Variants in DGLUCY observed in about 807,000 individuals in gnomAD.
The protein encoded by DGLUCY is D-glutamate cyclase.
DGLUCY carries 58 observed loss-of-function variants against 58.5 expected under a neutral mutation model. The ratio of observed to expected loss-of-function variants is 0.99; its 90% confidence interval spans 0.80 to 1.23. DGLUCY has a LOEUF of 1.23. DGLUCY is among the 50% of genes most tolerant of loss of function. DGLUCY has a pLI of 0.00. For synonymous variants in DGLUCY, 325 were observed against 314.1 expected (o/e 1.03, Z -0.37); for missense variants, 779 against 784.7 (o/e 0.99, Z 0.09).
At chr14:91,220,649 G>T (rs1418735968) in intron 13 of DGLUCY, 5 of 456,118 alleles carry the variant, frequency 1.1e-5, no homozygotes, top group Non-Finnish European at 2.2e-5. Context: ...TTCTCCCGCT[G>T]CCACACTCCC....
In DGLUCY at chr14:91,204,639, GC is replaced by G; in HGVS notation, c.1445-65del. 5 of 1,585,032 alleles carry G rather than the reference GC, an allele frequency of 3.2e-6. No homozygotes were observed. In the South Asian group the frequency reaches 5.7e-5, roughly 18 times the overall value. On this transcript the variant is annotated intron_variant, in intron 11 of 13. Transcript: ENST00000256324. ...AAAGGCAACAAGCACATGTAGGGCTGCCTTGCTTCAGGCCTCCCCCATTTTG... is the reference window on the plus strand; with the variant it reads ...AAAGGCAACAAGCACATGTAGGGCTGCTTGCTTCAGGCCTCCCCCATTTTG...
chr14:91,089,033 C>T (rs1160048558), intron 1 of DGLUCY, among the ~76,000 whole-genome samples: 1 of 152,190 alleles, frequency 6.6e-6, no homozygotes, highest in Non-Finnish European at 1.5e-5. Context: ...ATACTTGATG[C>T]TGATTGTACC....
intron 9 of DGLUCY, among the ~76,000 whole-genome samples, chr14:91,190,938 C>T (rs1258062628): frequency 3.3e-5 from 5 of 152,010 alleles, no homozygotes; most frequent in South Asian, 2.1e-4. Flanking sequence ...GAGAGGAGGA[C>T]GGTTTGGAGT....
At chr14:91,205,605 C>T (rs1031723960) in intron 12 of DGLUCY, among the ~76,000 whole-genome samples, 1 of 152,086 alleles carries the variant, frequency 6.6e-6, no homozygotes, top group Non-Finnish European at 1.5e-5. Flanking sequence ...AAACTCCAGG[C>T]GACCCAGTGG....
At position 91,072,940 on chromosome 14, in the gene DGLUCY, C is replaced by T. The variant is rs563767843; in HGVS notation, c.-82+12236C>T. 1.2e-4 allele frequency among the ~76,000 whole-genome samples: 19 copies of T among 152,024 alleles called. No homozygotes were observed. In the South Asian group the frequency reaches 3.1e-3, roughly 25 times the overall value. ...ATGAGAATGGCATGAACCCGGCAGG[C>T]AGAGCTTGCAGTGAGCCAAGATCAT... is the stretch of plus-strand genomic sequence containing the variant. On this transcript the variant is annotated intron_variant, in intron 1 of 4. Coordinates refer to the DGLUCY transcript ENST00000521334.
At chr14:91,129,499 G>A (rs1255461012) in intron 1 of DGLUCY, among the ~76,000 whole-genome samples, 3 of 151,874 alleles carry the variant, frequency 2.0e-5, no homozygotes, top group Non-Finnish European at 4.4e-5. Context: ...ACTTTCAGAG[G>A]CTGTGGCAGG....
intron 12 of DGLUCY, among the ~76,000 whole-genome samples, chr14:91,209,267 C>A (rs1219511156): frequency 6.6e-6 from 1 of 151,060 alleles, no homozygotes; most frequent in African/African-American, 2.4e-5. Context: ...GGTCTCAAAA[C>A]AACAACAACG....
chr14:91,217,892 CT>C (rs768571676), intron 13 of DGLUCY, among the ~76,000 whole-genome samples: 9 of 152,142 alleles, frequency 5.9e-5, no homozygotes, highest in Non-Finnish European at 1.2e-4. Flanking sequence ...CTTCCTGCCC[CT>C]GGCCTCTGTT....
intron 1 of DGLUCY, among the ~76,000 whole-genome samples, chr14:91,146,064 G>A (rs1161293739): frequency 6.6e-6 from 1 of 152,044 alleles, no homozygotes; most frequent in Non-Finnish European, 1.5e-5. Flanking sequence ...GTAGAGACAG[G>A]GTCTCACCAT....
At chr14:91,083,413 T>C (rs533315248) in intron 1 of DGLUCY, among the ~76,000 whole-genome samples, 1 of 151,726 alleles carries the variant, frequency 6.6e-6, no homozygotes, top group East Asian at 1.9e-4. Flanking sequence ...TCCCAGCTAC[T>C]TGGGAGGCTG....
At chr14:91,082,060 A>C (rs1402889502) in intron 1 of DGLUCY, among the ~76,000 whole-genome samples, 1 of 152,214 alleles carries the variant, frequency 6.6e-6, no homozygotes, top group African/African-American at 2.4e-5. Context: ...ACGTAAAGTA[A>C]CATATTCACA....
chr14:91,125,152 C>T (rs986165128), intron 1 of DGLUCY, among the ~76,000 whole-genome samples: 8 of 152,142 alleles, frequency 5.3e-5, no homozygotes, highest in Non-Finnish European at 7.3e-5. Flanking sequence ...TTATAAATGA[C>T]CCTGTCTCCT....
intron 1 of DGLUCY, among the ~76,000 whole-genome samples, chr14:91,127,301 G>C (rs1006491889): frequency 6.6e-6 from 1 of 152,096 alleles, no homozygotes; most frequent in Admixed American, 6.6e-5. Flanking sequence ...AAGCAGTCCT[G>C]CCTCACCCTT....
chr14:91,208,742 C>A (rs1310800381), intron 12 of DGLUCY, among the ~76,000 whole-genome samples: 1 of 151,828 alleles, frequency 6.6e-6, no homozygotes, highest in African/African-American at 2.4e-5. Context: ...GAGTCAGACC[C>A]TGTCTCAAAA....
intron 1 of DGLUCY, among the ~76,000 whole-genome samples, chr14:91,081,843 C>T (rs1233539544): frequency 6.6e-6 from 1 of 152,040 alleles, no homozygotes; most frequent in Non-Finnish European, 1.5e-5. Flanking sequence ...CATGTTCAAG[C>T]GATTCTCCTG....
chr14:91,193,923 A>G (rs1372618752), intron 9 of DGLUCY, among the ~76,000 whole-genome samples: 3 of 151,712 alleles, frequency 2.0e-5, no homozygotes, highest in Admixed American at 6.6e-5. Flanking sequence ...GACAGACCAT[A>G]GCTCTTTCTT....
At chr14:91,114,837 T>TG (rs2044815584) in intron 1 of DGLUCY, 1 of 152,366 alleles carries the variant, frequency 6.6e-6, no homozygotes, top group East Asian at 1.9e-4. Context: ...CTGCGTTGGC[T>TG]GGAGGCAGAA....
intron 9 of DGLUCY, among the ~76,000 whole-genome samples, chr14:91,192,549 C>T (rs1000579174): frequency 3.3e-5 from 5 of 152,126 alleles, no homozygotes; most frequent in African/African-American, 7.2e-5. Context: ...ACAGGCAGAT[C>T]GCTTGAGGTC....
At chr14:91,069,262 G>A (rs1017188118) in intron 1 of DGLUCY, among the ~76,000 whole-genome samples, 3 of 151,916 alleles carry the variant, frequency 2.0e-5, no homozygotes, top group South Asian at 2.1e-4. Context: ...TTTTGTTTTC[G>A]TTGCACTTAT....
Sources: gnomAD v4.1 joint callset for allele counts (sites outside exome capture counted in the v4.1 genomes callset) on GRCh38, gnomAD v4.1.1 for gene constraint, MANE v1.5 for transcripts, NCBI Gene and HGNC (gene_info 2026-07-23, HGNC 2026-07-21) for gene names.